Variants in PINX1 observed in about 807,000 individuals in gnomAD.
PINX1 encodes PIN2/TERF1-interacting telomerase inhibitor 1.
PINX1 carries 34 observed loss-of-function variants against 25.4 expected under a neutral mutation model. The observed-to-expected ratio is 1.34, with a 90% CI of 1.02 to 1.78. The LOEUF is 1.78. PINX1 is among the 40% of genes most tolerant of loss of function. The pLI, the probability that PINX1 is intolerant of heterozygous loss-of-function variation, is 0.00. For synonymous variants in PINX1, 197 were observed against 147.7 expected (o/e 1.33, Z -2.42); for missense variants, 592 against 404.9 (o/e 1.46, Z -3.97).
At chr8:10,807,172 G>A (rs1802477389) in intron 6 of PINX1, among the ~76,000 whole-genome samples, 2 of 152,086 alleles carry the variant, frequency 1.3e-5, no homozygotes, top group Non-Finnish European at 2.9e-5. Flanking sequence ...AGAGGCCAAG[G>A]AACATACGGT....
intron 6 of PINX1, among the ~76,000 whole-genome samples, chr8:10,778,723 C>T (rs1290311626): frequency 6.6e-6 from 1 of 152,202 alleles, no homozygotes; most frequent in Non-Finnish European, 1.5e-5. Flanking sequence ...CACCCACTGG[C>T]ATCCCATGAA....
In PINX1 at chr8:10,765,243, G is replaced by A. The variant is rs1800990976; in HGVS notation, c.*158C>T. 3.3e-6 allele frequency: 2 copies of A among 600,346 alleles called. No homozygotes were observed. The highest frequency in any genetic ancestry group is 2.8e-6 in the Non-Finnish European group (1 of 357,946). 37.2% of individuals were successfully genotyped at this position (600,346 alleles called of 1,614,324 possible). ...GTCCTCCTGGGAATGTAACTTGGGG[G>A]AAATGTGGCGAGAGGGCAGGACTCG... On this transcript the variant is annotated 3_prime_UTR_variant, in exon 7 of 7. Transcript: ENST00000314787.
chr8:10,814,962 C>A (rs140644192), intron 6 of PINX1, among the ~76,000 whole-genome samples: 27 of 152,250 alleles, frequency 1.8e-4, no homozygotes, highest in African/African-American at 6.5e-4. Flanking sequence ...TTTTTTGAGA[C>A]AGGGTCTCAC....
chr8:10,835,536 G>A (rs1487174696), intron 1 of PINX1, among the ~76,000 whole-genome samples: 1 of 152,172 alleles, frequency 6.6e-6, no homozygotes, highest in African/African-American at 2.4e-5. Context: ...ATGCCCTGAA[G>A]CCCTCTGACC....
Position 10,829,231 on chromosome 8 carries a change from A to C in PINX1, c.301+2434T>G, listed in dbSNP as rs1330320403. Among the ~76,000 whole-genome samples, 8 of 150,634 alleles carry C rather than the reference A, an allele frequency of 5.3e-5. No individual in the cohort carries two copies. The East Asian group carries it at 1.4e-3, about 26-fold the overall frequency. On this transcript the variant is annotated intron_variant, in intron 4 of 6. Coordinates refer to ENST00000314787, the MANE Select transcript of PINX1 (RefSeq NM_017884.6). ...AACCCGGGAGGCGGAGGTTGCGGTA[A>C]GCCAAGATTGTGCCACTGCACTCCA...
intron 6 of PINX1, among the ~76,000 whole-genome samples, chr8:10,776,271 C>T (rs2129072571): frequency 6.6e-6 from 1 of 151,918 alleles, no homozygotes; most frequent in South Asian, 2.1e-4. Context: ...ACTAAAAATA[C>T]AAAAATTAGC....
intron 6 of PINX1, among the ~76,000 whole-genome samples, chr8:10,790,338 C>T (rs1463510005): frequency 1.3e-5 from 2 of 152,136 alleles, no homozygotes; most frequent in African/African-American, 4.8e-5. Flanking sequence ...CTGATGAGTA[C>T]ATGAAAGAAG....
chr8:10,815,068 G>A (rs1274662115), intron 6 of PINX1, among the ~76,000 whole-genome samples: 3 of 152,114 alleles, frequency 2.0e-5, no homozygotes, highest in African/African-American at 7.2e-5. Context: ...AGCCTCCTGA[G>A]TAGCTGAGAC....
chr8:10,810,557 C>A (rs2129082946), intron 6 of PINX1, among the ~76,000 whole-genome samples: 1 of 152,270 alleles, frequency 6.6e-6, no homozygotes, highest in Middle Eastern at 3.4e-3. Flanking sequence ...TTATTGAGAA[C>A]CCACTCCATG....
chr8:10,799,141 AT>A (rs35164722), intron 6 of PINX1, among the ~76,000 whole-genome samples: 12 of 150,746 alleles, frequency 8.0e-5, no homozygotes, highest in African/African-American at 1.7e-4. Flanking sequence ...TAGTTTGTCA[AT>A]TTTTTTTTTC....
intron 6 of PINX1, among the ~76,000 whole-genome samples, chr8:10,800,871 A>C (rs946426167): frequency 2.0e-5 from 3 of 152,218 alleles, no homozygotes; most frequent in Non-Finnish European, 4.4e-5. Context: ...CACTTGATCC[A>C]GGCGCTCAGC....
At position 10,765,651 on chromosome 8, in the gene PINX1, T is replaced by C; in HGVS notation, c.737A>G (p.Gln246Arg). The C allele has an allele frequency of 6.2e-7, 1 of 1,614,028 alleles. No individual in the cohort carries two copies. The highest frequency in any genetic ancestry group is 8.5e-7 in the Non-Finnish European group (1 of 1,179,898). The change falls in exon 7 of 7, where the codon CAG (glutamine) becomes CGG (arginine). Residue 246 changes from glutamine to arginine, a missense_variant. Physicochemically the swap from Gln to Arg is conservative, Grantham distance 43 (BLOSUM62 1). Transcript: ENST00000314787. Reference protein sequence around the residue: ...TEGKPERAEAQERVAKKKSAP... With the variant: ...TEGKPERAEARERVAKKKSAP... ...GCTCTTCTTCTTGGCCACTCGCTCCTGGGCCTCGGCCCTCTCGGGCTTTCC... is the reference window on the plus strand; with the variant it reads ...GCTCTTCTTCTTGGCCACTCGCTCCCGGGCCTCGGCCCTCTCGGGCTTTCC...
intron 6 of PINX1, among the ~76,000 whole-genome samples, chr8:10,775,434 T>TTTTG: frequency 6.7e-6 from 1 of 149,280 alleles, no homozygotes; most frequent in South Asian, 2.1e-4. Flanking sequence ...TTTTTTTTTT[T>TTTTG]TTTTTTGCCT....
intron 5 of PINX1, 22 bp from the exon 6 acceptor site, chr8:10,820,291 TTTC>T: frequency 6.6e-7 from 1 of 1,523,502 alleles, no homozygotes; most frequent in Non-Finnish European, 9.1e-7. Flanking sequence ...ATGTGATGCT[TTTC>T]AGTAAGACTG....
chr8:10,797,628 C>T (rs149015409), intron 6 of PINX1, among the ~76,000 whole-genome samples: 124 of 152,268 alleles, frequency 8.1e-4, no homozygotes, highest in African/African-American at 2.9e-3. Context: ...CAGAAGAAAC[C>T]TAAGCATTGA....
At chr8:10,821,245 A>G (rs1226684206) in intron 5 of PINX1, among the ~76,000 whole-genome samples, 1 of 152,266 alleles carries the variant, frequency 6.6e-6, no homozygotes, top group South Asian at 2.1e-4. Context: ...TTGGCAAAGT[A>G]ATGTCATGAC....
At chr8:10,811,852 C>G (rs1797532546) in intron 6 of PINX1, among the ~76,000 whole-genome samples, 2 of 152,208 alleles carry the variant, frequency 1.3e-5, no homozygotes, top group African/African-American at 4.8e-5. Flanking sequence ...GCTAGACTGT[C>G]TTGGCTACAA....
chr8:10,772,601 C>CG, intron 6 of PINX1, among the ~76,000 whole-genome samples: 1 of 152,218 alleles, frequency 6.6e-6, no homozygotes, highest in South Asian at 2.1e-4. Context: ...CACCAAGTCT[C>CG]GGCAATGAGC....
intron 4 of PINX1, among the ~76,000 whole-genome samples, chr8:10,830,708 C>T (rs1005831194): frequency 6.6e-6 from 1 of 152,090 alleles, no homozygotes; most frequent in African/African-American, 2.4e-5. Context: ...GGCCAATAAG[C>T]GATGAAAAGA....
Sources: allele counts gnomAD v4.1 joint callset (sites outside exome capture counted in the v4.1 genomes callset), GRCh38; gene constraint gnomAD v4.1.1; transcripts MANE v1.5; gene names NCBI Gene and HGNC (gene_info 2026-07-23, HGNC 2026-07-21).